ANKS1B: variants seen among roughly 807,000 people sequenced by gnomAD.
ANKS1B encodes the protein ankyrin repeat and sterile alpha motif domain containing 1B.
ANKS1B carries 36 observed loss-of-function variants against 148.3 expected under a neutral mutation model. The observed-to-expected ratio is 0.24, with a 90% CI of 0.19 to 0.32. The LOEUF (loss-of-function observed/expected upper bound fraction) is 0.32, where lower values mean the gene tolerates loss of function less well. ANKS1B is among the 10% of genes least tolerant of loss of function. ANKS1B has a pLI of 1.00. For missense variants in ANKS1B, 1,157 were observed against 1,542.6 expected, an observed-to-expected ratio of 0.75 and a Z score of 4.19; for synonymous variants, 542 against 560.8, an observed-to-expected ratio of 0.97 and a Z score of 0.47.
chr12:99,168,206 T>G (rs577994547), intron 14 of ANKS1B, among the ~76,000 whole-genome samples: 6 of 152,324 alleles, frequency 3.9e-5, no homozygotes, highest in Admixed American at 1.3e-4. Context: ...AGGTTAATGA[T>G]ACCTCAATAA....
chr12:99,209,486 T>G (rs769940472), intron 14 of ANKS1B, among the ~76,000 whole-genome samples: 10 of 152,180 alleles, frequency 6.6e-5, no homozygotes, highest in Non-Finnish European at 1.3e-4. Flanking sequence ...CTCCAATATC[T>G]GGCTCTGAAA....
At chr12:98,851,948 C>T (rs1216521839) in intron 17 of ANKS1B, among the ~76,000 whole-genome samples, 2 of 145,264 alleles carry the variant, frequency 1.4e-5, no homozygotes, top group Non-Finnish European at 3.0e-5. Context: ...TGCTTGAACC[C>T]AGGAGGTGGA....
chr12:98,923,541 T>C (rs2099804186), intron 17 of ANKS1B, among the ~76,000 whole-genome samples: 1 of 152,204 alleles, frequency 6.6e-6, no homozygotes, highest in Non-Finnish European at 1.5e-5. Flanking sequence ...TGACTTTCAT[T>C]CTGCAATTCT....
intron 17 of ANKS1B, among the ~76,000 whole-genome samples, chr12:98,993,342 T>C (rs2099927765): frequency 6.6e-6 from 1 of 152,146 alleles, no homozygotes; most frequent in African/African-American, 2.4e-5. Context: ...TAATTTTTTG[T>C]ATTTTTAGTA....
At chr12:98,762,282 A>C (rs757443060) in intron 25 of ANKS1B, among the ~76,000 whole-genome samples, 3 of 152,150 alleles carry the variant, frequency 2.0e-5, no homozygotes, top group Non-Finnish European at 2.9e-5. Flanking sequence ...CAGGTGACCT[A>C]TTGGTCCCTT....
At chr12:99,232,262 A>G (rs1333822354) in intron 14 of ANKS1B, among the ~76,000 whole-genome samples, 3 of 152,238 alleles carry the variant, frequency 2.0e-5, no homozygotes, top group Non-Finnish European at 2.9e-5. Context: ...TTATATATTG[A>G]CAAATGAATA....
At chr12:98,849,146 AT>A (rs2099506468) in intron 17 of ANKS1B, among the ~76,000 whole-genome samples, 1 of 152,140 alleles carries the variant, frequency 6.6e-6, no homozygotes, top group Admixed American at 6.5e-5. Flanking sequence ...TTTTAAAAGA[AT>A]TTATTAACAT....
At chr12:99,228,441 A>T (rs1474564163) in intron 14 of ANKS1B, among the ~76,000 whole-genome samples, 2 of 152,092 alleles carry the variant, frequency 1.3e-5, no homozygotes, top group African/African-American at 4.8e-5. Context: ...TGATTTATTT[A>T]TCTTCTATCT....
intron 1 of ANKS1B, among the ~76,000 whole-genome samples, chr12:99,871,135 A>ATAGC (rs2091459085): frequency 6.6e-6 from 1 of 152,182 alleles, no homozygotes; most frequent in Admixed American, 6.6e-5. Flanking sequence ...TCTTCTGCAT[A>ATAGC]TAGCTAGCTG....
intron 1 of ANKS1B, among the ~76,000 whole-genome samples, chr12:99,827,745 A>G (rs941912366): frequency 1.3e-5 from 2 of 152,216 alleles, no homozygotes; most frequent in African/African-American, 2.4e-5. Context: ...TCACAAACCT[A>G]TATTGACAAG....
chr12:99,430,163 A>C (rs1339489389), intron 11 of ANKS1B, among the ~76,000 whole-genome samples: 4 of 152,146 alleles, frequency 2.6e-5, no homozygotes, highest in Admixed American at 6.5e-5. Flanking sequence ...AAATCCATGA[A>C]GATCACTCTG....
intron 10 of ANKS1B, among the ~76,000 whole-genome samples, chr12:99,445,867 G>A (rs1320077599): frequency 6.6e-6 from 1 of 151,766 alleles, no homozygotes; most frequent in Non-Finnish European, 1.5e-5. Flanking sequence ...GACTACAGGT[G>A]CACATTACCA....
intron 15 of ANKS1B, among the ~76,000 whole-genome samples, chr12:99,095,985 A>T (rs2055946833): frequency 6.6e-6 from 1 of 152,204 alleles, no homozygotes; most frequent in Admixed American, 6.5e-5. Context: ...TAAATCTGGG[A>T]GTGGGTTTCA....
At chr12:99,824,657 A>C (rs1238370022) in intron 2 of ANKS1B, among the ~76,000 whole-genome samples, 6 of 152,184 alleles carry the variant, frequency 3.9e-5, no homozygotes, top group Non-Finnish European at 7.4e-5. Context: ...TGGAGGACTC[A>C]TCACACTTTA....
chr12:99,486,348 C>T (rs150435762), intron 10 of ANKS1B, among the ~76,000 whole-genome samples: 205 of 152,076 alleles, frequency 1.3e-3, no homozygotes, highest in African/African-American at 4.9e-3. Flanking sequence ...TTCTCATATG[C>T]TGGTTATATT....
At chr12:99,570,723 T>C (rs1382153272) in intron 9 of ANKS1B, among the ~76,000 whole-genome samples, 1 of 151,998 alleles carries the variant, frequency 6.6e-6, no homozygotes, top group African/African-American at 2.4e-5. Context: ...TGACTGGTAT[T>C]ATACTATTCT....
chr12:99,428,992 A>G (rs141561483), intron 11 of ANKS1B, among the ~76,000 whole-genome samples: 1 of 152,320 alleles, frequency 6.6e-6, no homozygotes, highest in African/African-American at 2.4e-5. Flanking sequence ...AATAATAATA[A>G]TAATGGAGTA....
chr12:98,758,263 A>C (rs1391689693), intron 25 of ANKS1B, among the ~76,000 whole-genome samples: 1 of 152,206 alleles, frequency 6.6e-6, no homozygotes, highest in Non-Finnish European at 1.5e-5. Flanking sequence ...AAGGTTAAAT[A>C]ACTTGCTCAT....
At chr12:99,792,612 A>T (rs2065794473) in intron 4 of ANKS1B, among the ~76,000 whole-genome samples, 1 of 151,954 alleles carries the variant, frequency 6.6e-6, no homozygotes, top group South Asian at 2.1e-4. Flanking sequence ...GACAAAAAAC[A>T]TTATCATTTT....
Sources: allele counts gnomAD v4.1 joint callset (sites outside exome capture counted in the v4.1 genomes callset), GRCh38; gene constraint gnomAD v4.1.1; transcripts MANE v1.5; gene names NCBI Gene and HGNC (gene_info 2026-07-23, HGNC 2026-07-21).